NRG3: variants seen among roughly 807,000 people sequenced by gnomAD.
NRG3 encodes the protein neuregulin 3, also known as pro-neuregulin-3, membrane-bound isoform.
A neutral mutation model predicts 66.9 loss-of-function variants in NRG3; 31 were observed. The ratio of observed to expected loss-of-function variants is 0.46; its 90% confidence interval spans 0.35 to 0.63. The LOEUF (loss-of-function observed/expected upper bound fraction) is 0.63, where lower values mean the gene tolerates loss of function less well. NRG3 is among the 20% of genes least tolerant of loss of function. The pLI, the probability that NRG3 is intolerant of heterozygous loss-of-function variation, is 0.00. For missense variants in NRG3, 910 were observed against 878.9 expected (o/e 1.04, Z -0.45); for synonymous variants, 393 against 359.4 (o/e 1.09, Z -1.06).
intron 1 of NRG3, among the ~76,000 whole-genome samples, chr10:82,215,811 C>T (rs906009347): frequency 6.6e-6 from 1 of 151,828 alleles, no homozygotes; most frequent in South Asian, 2.1e-4. Context: ...TACTTTTATG[C>T]AATTTGATAA....
Position 82,926,148 on chromosome 10 carries a change from C to T in NRG3, c.1055-25321C>T, listed in dbSNP as rs146537863. Among the ~76,000 whole-genome samples, 1,220 of 152,208 alleles carry T rather than the reference C, an allele frequency of 8.0e-3. 17 individuals are homozygous for T. The highest frequency in any genetic ancestry group is 0.028 in the African/African-American group (1,144 of 41,534). On this transcript the variant is annotated intron_variant, in intron 4 of 8. Coordinates refer to ENST00000372141, the MANE Select transcript of NRG3 (RefSeq NM_001010848.4). ...GAAAACTCCACCAAGTTCCAAAAAA[C>T]GAAACTTGAATTTGCCATATGCCAA...
chr10:81,888,368 A>G (rs1244895599), intron 1 of NRG3, among the ~76,000 whole-genome samples: 1 of 152,194 alleles, frequency 6.6e-6, no homozygotes, highest in African/African-American at 2.4e-5. Flanking sequence ...CCCCACTTGT[A>G]TCCTGAGAAT....
At chr10:82,721,359 C>T (rs974744977) in intron 2 of NRG3, among the ~76,000 whole-genome samples, 19 of 151,616 alleles carry the variant, frequency 1.3e-4, no homozygotes, top group Admixed American at 1.2e-3. Context: ...AGGATTGTCT[C>T]GATCTTCTGA....
At chr10:82,152,023 A>C (rs1220051142) in intron 1 of NRG3, among the ~76,000 whole-genome samples, 1 of 152,224 alleles carries the variant, frequency 6.6e-6, no homozygotes, top group African/African-American at 2.4e-5. Flanking sequence ...ATACTCAGCT[A>C]AGTTGGAAAT....
intron 4 of NRG3, among the ~76,000 whole-genome samples, chr10:82,906,943 A>T (rs550306119): frequency 6.6e-6 from 1 of 152,336 alleles, no homozygotes; most frequent in Non-Finnish European, 1.5e-5. Flanking sequence ...TGGCTGTATT[A>T]GGTCTTAATT....
chr10:82,709,312 G>A (rs12242808), intron 2 of NRG3, among the ~76,000 whole-genome samples: 5 of 151,752 alleles, frequency 3.3e-5, no homozygotes, highest in African/African-American at 1.2e-4. Context: ...CCCAGGTGTC[G>A]TTTCTTTCTT....
At chr10:82,250,183 G>A (rs61863013) in intron 1 of NRG3, among the ~76,000 whole-genome samples, 22,313 of 152,120 alleles carry the variant, frequency 0.15, 1,775 homozygotes, top group African/African-American at 0.19. Flanking sequence ...AGTATTCACT[G>A]AAGACAGGAC....
At chr10:82,831,457 A>C (rs1356452982) in intron 3 of NRG3, among the ~76,000 whole-genome samples, 1 of 128,328 alleles carries the variant, frequency 7.8e-6, no homozygotes, top group Non-Finnish European at 1.7e-5. Context: ...CTTATGGAAC[A>C]CAGTTTTTTT....
chr10:82,870,955 T>C (rs1294836423), intron 4 of NRG3, among the ~76,000 whole-genome samples: 2 of 152,222 alleles, frequency 1.3e-5, no homozygotes. Flanking sequence ...CTTCCTTTTA[T>C]GTATTGTGCC....
chr10:82,526,026 A>G (rs372182409), intron 2 of NRG3, among the ~76,000 whole-genome samples: 26 of 152,108 alleles, frequency 1.7e-4, no homozygotes, highest in East Asian at 1.3e-3. Context: ...AGAAGAAAGG[A>G]TAAAACTATG....
At chr10:82,476,314 A>T (rs1841778727) in intron 2 of NRG3, among the ~76,000 whole-genome samples, 1 of 152,170 alleles carries the variant, frequency 6.6e-6, no homozygotes, top group Non-Finnish European at 1.5e-5. Context: ...CAAAAAATTA[A>T]AAATAAAACT....
At chr10:82,479,355 A>G (rs555192141) in intron 2 of NRG3, among the ~76,000 whole-genome samples, 1 of 152,152 alleles carries the variant, frequency 6.6e-6, no homozygotes, top group East Asian at 1.9e-4. Context: ...CTATAGACAG[A>G]GAGGAAGGGG....
At chr10:82,378,811 T>C (rs2085426953) in intron 2 of NRG3, among the ~76,000 whole-genome samples, 1 of 152,002 alleles carries the variant, frequency 6.6e-6, no homozygotes. Flanking sequence ...CCTCAGGTGA[T>C]CCACCCACCT....
intron 2 of NRG3, among the ~76,000 whole-genome samples, chr10:82,588,421 T>C (rs1347418062): frequency 1.3e-5 from 2 of 152,252 alleles, no homozygotes; most frequent in East Asian, 3.9e-4. Flanking sequence ...TCCTCCATGA[T>C]TAGAAGCTTC....
chr10:81,875,863 A>G lies in NRG3; in HGVS notation c.523A>G (p.Ile175Val). 1 of 1,610,420 alleles carries G rather than the reference A, an allele frequency of 6.2e-7. No individual in the cohort carries two copies. The highest frequency in any genetic ancestry group is 1.3e-5 in the African/African-American group (1 of 75,034). The change falls in exon 1 of 9, where the codon ATC (isoleucine) becomes GTC (valine). Residue 175 changes from isoleucine to valine, a missense_variant. Ile to Val is a conservative substitution (Grantham distance 29). Coordinates refer to ENST00000372141, the MANE Select transcript of NRG3 (RefSeq NM_001010848.4). This position sits in a 1 kb window ranked among gnomAD's most constrained non-coding sequence, Gnocchi z 5.3. ...PTRFPGHRVP[I>V]RASPRSTTAR... Reference sequence around the variant, plus strand: ...TCGCTTCCCCGGGCACCGGGTGCCCATCCGGGCCAGCCCGCGCTCCACCAC... The same window carrying G: ...TCGCTTCCCCGGGCACCGGGTGCCCGTCCGGGCCAGCCCGCGCTCCACCAC...
intron 1 of NRG3, among the ~76,000 whole-genome samples, chr10:81,978,226 C>T (rs182636729): frequency 5.3e-5 from 8 of 152,116 alleles, no homozygotes; most frequent in Non-Finnish European, 4.4e-5. Flanking sequence ...TAAGAAAATA[C>T]GGATATATGG....
intron 2 of NRG3, among the ~76,000 whole-genome samples, chr10:82,737,037 T>C (rs1591363658): frequency 1.3e-5 from 2 of 148,742 alleles, no homozygotes; most frequent in South Asian, 2.1e-4. Context: ...TATTTTTTTA[T>C]GACAAATATG....
chr10:81,878,933 G>A (rs992834488), intron 1 of NRG3, among the ~76,000 whole-genome samples: 21 of 152,290 alleles, frequency 1.4e-4, no homozygotes, highest in African/African-American at 3.9e-4. Context: ...CACTGACAAT[G>A]AACATGCTTG....
In NRG3 at chr10:82,208,649, A is replaced by AG. The variant is rs2075249466; in HGVS notation, c.824-150086dup. 5.3e-5 allele frequency among the ~76,000 whole-genome samples: 8 copies of AG among 151,728 alleles called. No homozygotes were observed. The South Asian group carries it at 1.5e-3, about 28-fold the overall frequency. On this transcript the variant is annotated intron_variant, in intron 1 of 8. Transcript: ENST00000372141. Reference sequence around the variant, plus strand: ...GGAAAAAGTGTTTAAAACACGTATGAGGGGAAAAAAAAAAACTACAGGAAC... The same window carrying AG: ...GGAAAAAGTGTTTAAAACACGTATGAGGGGGAAAAAAAAAAACTACAGGAAC...
Sources: allele counts gnomAD v4.1 joint callset (sites outside exome capture counted in the v4.1 genomes callset), GRCh38; gene constraint gnomAD v4.1.1; non-coding constraint Gnocchi (gnomAD v3.1); transcripts MANE v1.5; gene names NCBI Gene and HGNC (gene_info 2026-07-23, HGNC 2026-07-21).